The following PYY variants were observed in gnomAD, a reference collection of about 807,000 sequenced individuals.
PYY encodes peptide YY, also known as peptide tyrosine tyrosine.
A neutral mutation model predicts 10.3 loss-of-function variants in PYY; 12 were observed. That is an observed-to-expected ratio of 1.17 (90% CI 0.75 to 1.89). The LOEUF (loss-of-function observed/expected upper bound fraction) is 1.89. Ranked by LOEUF, PYY falls within the 40% of genes most tolerant of loss-of-function variation. The pLI is 0.00. For missense variants in PYY, 141 were observed against 134.0 expected, an observed-to-expected ratio of 1.05 and a Z score of -0.26; for synonymous variants, 66 against 62.0, an observed-to-expected ratio of 1.06 and a Z score of -0.30.
intron 1 of PYY, among the ~76,000 whole-genome samples, chr17:43,990,724 A>G (rs919417634): frequency 2.6e-5 from 4 of 151,962 alleles, no homozygotes; most frequent in African/African-American, 9.7e-5. Flanking sequence ...CATTCCTACA[A>G]TGTAACACTA....
intron 1 of PYY, among the ~76,000 whole-genome samples, chr17:43,999,584 T>C (rs994328111): frequency 2.6e-5 from 4 of 151,874 alleles, no homozygotes; most frequent in Non-Finnish European, 5.9e-5. Context: ...CTGGCTAAAA[T>C]GGTGAAACCC....
intron 1 of PYY, among the ~76,000 whole-genome samples, chr17:43,990,794 GTT>G (rs747130528): frequency 5.7e-5 from 7 of 123,680 alleles, no homozygotes; most frequent in African/African-American, 5.8e-5. Context: ...ATTTAATGTT[GTT>G]TTTTTTTTTT....
At chr17:43,953,016 A>G (rs746005152) in intron 3 of PYY, 36 bp from the exon 4 acceptor site, 2 of 1,583,962 alleles carry the variant, frequency 1.3e-6, no homozygotes, top group Non-Finnish European at 1.7e-6. Context: ...GGATCTGGGG[A>G]GGCGAGCCTG....
At chr17:43,995,829 GAAAAAAAA>G (rs573860516) in intron 1 of PYY, among the ~76,000 whole-genome samples, 9 of 97,802 alleles carry the variant, frequency 9.2e-5, no homozygotes, top group African/African-American at 1.2e-4. Context: ...CCATCTCAAT[GAAAAAAAA>G]AAAAAAAAAC....
intron 1 of PYY, among the ~76,000 whole-genome samples, chr17:44,000,318 A>T (rs2049017536): frequency 6.6e-6 from 1 of 152,206 alleles, no homozygotes; most frequent in African/African-American, 2.4e-5. Flanking sequence ...TCACATGAGC[A>T]TGACAAAGCC....
chr17:43,980,138 T>C (rs2048872653), intron 1 of PYY, among the ~76,000 whole-genome samples: 1 of 151,514 alleles, frequency 6.6e-6, no homozygotes, highest in Non-Finnish European at 1.5e-5. Flanking sequence ...TATTCTTTTT[T>C]CTTTCTTTCC....
rs1362283307 is a variant in PYY at position 43,960,506 on chromosome 17, C to T, written c.-217-2478G>A. Among the ~76,000 whole-genome samples, 36 of 111,614 alleles carry T rather than the reference C, an allele frequency of 3.2e-4. 1 individual carries two copies. The highest frequency in any genetic ancestry group is 1.4e-4 in the Admixed American group (1 of 7,138). The allele number at this position is 111,614 out of a possible 152,430, so 73.2% of individuals were successfully genotyped here. A position where few individuals can be genotyped will look rare whatever the true frequency, so the allele number is the denominator to read the frequency against. ...TGCAATGAACTGAGGCACTCCAGCC[C>T]GAGGGACGAGAGTGAGACTTTGTCT... On this transcript the variant is annotated intron_variant, in intron 2 of 6. Coordinates refer to the PYY transcript ENST00000360085.
At chr17:43,973,266 G>A (rs1173299320) in intron 1 of PYY, among the ~76,000 whole-genome samples, 1 of 152,170 alleles carries the variant, frequency 6.6e-6, no homozygotes. Flanking sequence ...CCCTCCTACT[G>A]TAAGCACCCA....
chr17:43,997,195 C>T (rs777743907), intron 1 of PYY, among the ~76,000 whole-genome samples: 11 of 152,048 alleles, frequency 7.2e-5, no homozygotes, highest in East Asian at 1.9e-4. Context: ...TGCACCACCA[C>T]GCCTGGCTAA....
upstream of PYY, among the ~76,000 whole-genome samples, chr17:43,956,485 G>A (rs757793600): frequency 3.4e-4 from 51 of 152,162 alleles, no homozygotes; most frequent in Non-Finnish European, 1.0e-4. Flanking sequence ...CATGTCTAGG[G>A]TGTGAGGGGG....
chr17:43,994,734 AT>A (rs974100002), intron 1 of PYY, among the ~76,000 whole-genome samples: 1 of 151,924 alleles, frequency 6.6e-6, no homozygotes, highest in African/African-American at 2.4e-5. Flanking sequence ...TTTGCCCCTG[AT>A]TCCCCCGTTA....
intron 1 of PYY, among the ~76,000 whole-genome samples, chr17:43,995,769 G>C (rs954830407): frequency 2.6e-5 from 4 of 151,378 alleles, no homozygotes; most frequent in African/African-American, 9.7e-5. Flanking sequence ...AGGAGGCAGA[G>C]GTTGCGGTGA....
chr17:43,973,794 C>G (rs550696198), intron 1 of PYY, among the ~76,000 whole-genome samples: 2 of 152,220 alleles, frequency 1.3e-5, no homozygotes, highest in Admixed American at 6.5e-5. Context: ...GACTCCGTCT[C>G]AAAAAATAAA....
chr17:43,976,415 A>G (rs528920932), intron 1 of PYY, among the ~76,000 whole-genome samples: 1 of 61,320 alleles, frequency 1.6e-5, no homozygotes, highest in Non-Finnish European at 3.5e-5. Context: ...ATATTCATGT[A>G]TACATATACA....
At chr17:43,995,850 A>C (rs908711674) in intron 1 of PYY, among the ~76,000 whole-genome samples, 11 of 149,788 alleles carry the variant, frequency 7.3e-5, no homozygotes, top group Non-Finnish European at 1.5e-4. Flanking sequence ...AAAAAAACGA[A>C]AAGAAGAGAA....
chr17:43,956,632 C>A (rs1010583662), upstream of PYY, among the ~76,000 whole-genome samples: 2 of 152,244 alleles, frequency 1.3e-5, no homozygotes, highest in African/African-American at 4.8e-5. Flanking sequence ...CCTGGCAAGG[C>A]CACCCCAAGT....
At chr17:43,954,643 C>CA (rs1426671224), upstream of PYY, among the ~76,000 whole-genome samples, 2 of 152,192 alleles carry the variant, frequency 1.3e-5, no homozygotes, top group African/African-American at 4.8e-5. Flanking sequence ...CAGACTGGCA[C>CA]ACACAGACCC....
intron 1 of PYY, among the ~76,000 whole-genome samples, chr17:44,003,379 G>A (rs868668040): frequency 1.4e-4 from 21 of 152,150 alleles, no homozygotes; most frequent in South Asian, 4.1e-4. Context: ...AAAGAGGGCC[G>A]GGCGTGGTGG....
At chr17:43,953,274 C>T (rs1270587713) in intron 2 of PYY, 22 bp downstream of exon 2, 2 of 1,607,590 alleles carry the variant, frequency 1.2e-6, no homozygotes, top group Non-Finnish European at 1.7e-6. Context: ...CCCCAGGGGT[C>T]CCGCTCCGCG....
Sources: allele counts gnomAD v4.1 joint callset (sites outside exome capture counted in the v4.1 genomes callset), GRCh38; gene constraint gnomAD v4.1.1; transcripts MANE v1.5; gene names NCBI Gene and HGNC (gene_info 2026-07-23, HGNC 2026-07-21).